The following HS6ST1 variants were observed in gnomAD, a reference collection of about 807,000 sequenced individuals.
HS6ST1 encodes the protein heparan sulfate 6-O-sulfotransferase 1.
A neutral mutation model predicts 25.2 loss-of-function variants in HS6ST1; 3 were observed. The observed-to-expected ratio is 0.12, with a 90% CI of 0.05 to 0.31. HS6ST1 has a LOEUF of 0.31. Among genes scored for constraint, HS6ST1 ranks in the 10% least tolerant of loss-of-function variants. The pLI is 1.00. For synonymous variants in HS6ST1, 204 were observed against 275.1 expected (o/e 0.74, Z 2.56); for missense variants, 310 against 609.6 (o/e 0.51, Z 5.18).
intron 1 of HS6ST1, among the ~76,000 whole-genome samples, chr2:128,311,800 C>G (rs1694293264): frequency 6.6e-6 from 1 of 152,160 alleles, no homozygotes; most frequent in Admixed American, 6.5e-5. Context: ...GCACTGCCTC[C>G]TGCAGGGCTG....
chr2:128,292,406 G>A (rs1192334128), intron 1 of HS6ST1, among the ~76,000 whole-genome samples: 2 of 152,158 alleles, frequency 1.3e-5, no homozygotes, highest in Non-Finnish European at 2.9e-5. Context: ...GGGCAGGGAC[G>A]CCCACACCAG....
intron 1 of HS6ST1, among the ~76,000 whole-genome samples, chr2:128,282,909 C>T (rs569734925): frequency 2.6e-5 from 4 of 152,192 alleles, no homozygotes; most frequent in Non-Finnish European, 2.9e-5. Flanking sequence ...CGGTGCTGAC[C>T]GCCCCACATC....
At chr2:128,314,181 G>T (rs1694329635) in intron 1 of HS6ST1, among the ~76,000 whole-genome samples, 1 of 152,058 alleles carries the variant, frequency 6.6e-6, no homozygotes, top group African/African-American at 2.4e-5. Flanking sequence ...GATTATGAAG[G>T]TAAGGTGGAA....
At chr2:128,296,349 A>G (rs1694039641) in intron 1 of HS6ST1, among the ~76,000 whole-genome samples, 1 of 152,248 alleles carries the variant, frequency 6.6e-6, no homozygotes, top group Non-Finnish European at 1.5e-5. Context: ...GAGTACCGGA[A>G]GTTCTAGCCT....
intron 1 of HS6ST1, among the ~76,000 whole-genome samples, chr2:128,286,754 G>A (rs1211372291): frequency 1.3e-5 from 2 of 152,242 alleles, no homozygotes; most frequent in African/African-American, 4.8e-5. Flanking sequence ...ACGTCTGCAA[G>A]CGGGTGAAAA....
At chr2:128,311,881 T>C (rs1267550613) in intron 1 of HS6ST1, among the ~76,000 whole-genome samples, 1 of 152,068 alleles carries the variant, frequency 6.6e-6, no homozygotes, top group East Asian at 1.9e-4. Context: ...CCCAATCTTA[T>C]GGGGGAGGTG....
chr2:128,287,508 A>C (rs1329215447), intron 1 of HS6ST1, among the ~76,000 whole-genome samples: 2 of 152,196 alleles, frequency 1.3e-5, no homozygotes, highest in Non-Finnish European at 2.9e-5. Flanking sequence ...AGCAGGTGTC[A>C]GGTAAGGCTG....
chr2:128,297,364 T>C (rs188264303), intron 1 of HS6ST1, among the ~76,000 whole-genome samples: 3 of 152,250 alleles, frequency 2.0e-5, no homozygotes, highest in Admixed American at 6.5e-5. Flanking sequence ...ACATTATACA[T>C]AGAAATTAAC....
intron 1 of HS6ST1, among the ~76,000 whole-genome samples, chr2:128,315,410 G>A (rs895363826): frequency 2.0e-5 from 3 of 152,116 alleles, no homozygotes; most frequent in Non-Finnish European, 2.9e-5. Context: ...CTCCCAAACC[G>A]CAGCAGGGAA....
intron 1 of HS6ST1, among the ~76,000 whole-genome samples, chr2:128,306,100 C>G (rs949907371): frequency 6.6e-5 from 10 of 152,190 alleles, no homozygotes; most frequent in African/African-American, 1.7e-4. Context: ...GTTTACTCAT[C>G]TGCAAAACAG....
intron 1 of HS6ST1, chr2:128,290,332 C>T (rs1693933202): frequency 6.6e-6 from 1 of 152,052 alleles, no homozygotes; most frequent in African/African-American, 2.4e-5. Flanking sequence ...AGTGGACACT[C>T]CCAATTCATT....
chr2:128,283,224 G>A (rs1693812124), intron 1 of HS6ST1, among the ~76,000 whole-genome samples: 1 of 152,178 alleles, frequency 6.6e-6, no homozygotes, highest in South Asian at 2.1e-4. Flanking sequence ...CTGCTTAGGG[G>A]CTCTGGGGCA....
chr2:128,274,531 C>A (rs193094424), intron 1 of HS6ST1, among the ~76,000 whole-genome samples: 22 of 151,790 alleles, frequency 1.4e-4, no homozygotes, highest in African/African-American at 5.1e-4. Flanking sequence ...GAGTAGGCAT[C>A]TCATTTAGCA....
chr2:128,285,452 C>T (rs1693846857), intron 1 of HS6ST1, among the ~76,000 whole-genome samples: 2 of 152,214 alleles, frequency 1.3e-5, no homozygotes, highest in Non-Finnish European at 2.9e-5. Flanking sequence ...CGCCTGTGTA[C>T]CCAGTCTCCC....
intron 1 of HS6ST1, among the ~76,000 whole-genome samples, chr2:128,316,242 T>C (rs1185946476): frequency 6.6e-6 from 1 of 152,220 alleles, no homozygotes; most frequent in African/African-American, 2.4e-5. Flanking sequence ...AGCATCCTGG[T>C]TGCAATCTAG....
intron 1 of HS6ST1, among the ~76,000 whole-genome samples, chr2:128,287,150 C>T (rs1693876501): frequency 1.3e-5 from 2 of 152,202 alleles, no homozygotes; most frequent in Admixed American, 1.3e-4. Flanking sequence ...ATGCAGGCCA[C>T]ACCCGCCACA....
intron 1 of HS6ST1, among the ~76,000 whole-genome samples, chr2:128,300,193 C>T (rs1300035232): frequency 3.3e-5 from 5 of 152,216 alleles, no homozygotes; most frequent in African/African-American, 4.8e-5. Flanking sequence ...CCCCAACCCA[C>T]GGCATTAAGC....
intron 1 of HS6ST1, among the ~76,000 whole-genome samples, chr2:128,306,552 C>T (rs527985656): frequency 2.0e-5 from 3 of 152,302 alleles, no homozygotes; most frequent in South Asian, 4.1e-4. Context: ...CTCCCCCTGC[C>T]GCCTAGGGGC....
intron 1 of HS6ST1, among the ~76,000 whole-genome samples, chr2:128,270,025 C>T (rs1404490419): frequency 1.3e-5 from 2 of 152,212 alleles, no homozygotes; most frequent in South Asian, 2.1e-4. Context: ...GCAAGTGGTG[C>T]GGTGCCACTG....
Sources: allele counts gnomAD v4.1 joint callset (sites outside exome capture counted in the v4.1 genomes callset), GRCh38; gene constraint gnomAD v4.1.1; transcripts MANE v1.5; gene names NCBI Gene and HGNC (gene_info 2026-07-23, HGNC 2026-07-21).